The following VIPAS39 variants were observed in gnomAD, a reference collection of about 807,000 sequenced individuals.
The protein encoded by VIPAS39 is VPS33B interacting protein, apical-basolateral polarity regulator, spe-39 homolog.
In VIPAS39, 63 loss-of-function variants were observed where a neutral mutation model predicts 84.7. The observed-to-expected ratio is 0.74, with a 90% CI of 0.61 to 0.92. The LOEUF (loss-of-function observed/expected upper bound fraction) is 0.92. Among genes scored for constraint, VIPAS39 ranks in the 40% least tolerant of loss-of-function variants. The probability of loss-of-function intolerance (pLI) is 0.00; values close to 1 mark genes in which losing one functional copy is unlikely to be tolerated. For missense variants in VIPAS39, 499 were observed against 604.5 expected (o/e 0.83, Z 1.83); for synonymous variants, 192 against 216.5 (o/e 0.89, Z 0.99).
intron 18 of VIPAS39, 68 bp from the exon 19 acceptor site, chr14:77,428,542 G>A (rs2078468079): frequency 4.3e-6 from 6 of 1,384,224 alleles, no homozygotes; most frequent in African/African-American, 1.4e-5. Flanking sequence ...TGCCCAGGAT[G>A]GTCTCAAACT....
At chr14:77,427,882 G>A (rs1333607661) in intron 19 of VIPAS39, among the ~76,000 whole-genome samples, 1 of 152,084 alleles carries the variant, frequency 6.6e-6, no homozygotes, top group Non-Finnish European at 1.5e-5. Flanking sequence ...TGACCCTAAG[G>A]TAGGTTCCAA....
In VIPAS39 at chr14:77,449,637, C is replaced by T. The variant is rs2078851216; in HGVS notation, c.382+77G>A. ...AGTTCATCTTGTCATCTAATTACTA[C>T]CTGTCCCCATAACTCCCCAGACTGT... On this transcript the variant is annotated intron_variant, in intron 5 of 19. Coordinates refer to ENST00000557658, the MANE Select transcript of VIPAS39 (RefSeq NM_001193315.2). 6 of 1,568,552 alleles carry T rather than the reference C, an allele frequency of 3.8e-6. No homozygotes were observed. The Admixed American group carries it at 8.3e-5, about 22-fold the overall frequency.
In VIPAS39 at chr14:77,457,483, GGACACCC is replaced by G; in HGVS notation, c.-1+5_-1+11del. ...CCAGATACGCGACCCAAGGGGCTTG[GGACACCC>G]TCACCTCTTCCGCACAGAGCCCTCC... On this transcript the variant is annotated splice_donor_5th_base_variant and intron_variant, in intron 1 of 19. Transcript: ENST00000557658. 7.6e-7 allele frequency: 1 copy of G among 1,310,340 alleles called. No homozygotes were observed. The highest frequency in any genetic ancestry group is 2.0e-5 in the Admixed American group (1 of 49,702). The allele number at this position is 1,310,340 out of a possible 1,614,324, so 81.2% of individuals were successfully genotyped here. A position where few individuals can be genotyped will look rare whatever the true frequency, so the allele number is the denominator to read the frequency against.
chr14:77,435,415 G>GACAAA, intron 13 of VIPAS39, 22 bp from the exon 14 acceptor site: 1 of 1,469,476 alleles, frequency 6.8e-7, no homozygotes, highest in Non-Finnish European at 9.1e-7. Context: ...TGAGCCAAGT[G>GACAAA]AAAAAAAAAA....
intron 16 of VIPAS39, among the ~76,000 whole-genome samples, chr14:77,433,109 CA>C (rs1159362369): frequency 2.0e-5 from 3 of 151,882 alleles, no homozygotes; most frequent in South Asian, 4.1e-4. Context: ...AGAAGCAAAC[CA>C]AAAGTAGCTA....
chr14:77,439,861 CTG>C (rs1392342188), intron 11 of VIPAS39, among the ~76,000 whole-genome samples: 6 of 152,140 alleles, frequency 3.9e-5, no homozygotes, highest in Non-Finnish European at 8.8e-5. Context: ...AACTGAATGT[CTG>C]TATGGATATC....
At chr14:77,456,872 ATAAAG>A (rs2078968979) in intron 1 of VIPAS39, among the ~76,000 whole-genome samples, 1 of 152,232 alleles carries the variant, frequency 6.6e-6, no homozygotes, top group East Asian at 1.9e-4. Flanking sequence ...CTCTAGAGTT[ATAAAG>A]TAATCAGGTA....
rs1423641944 is a variant in VIPAS39 at position 77,457,569 on chromosome 14, C to A, written c.-75G>T. ...CGCTGGACCAGCCCTTCTATTCAGG[C>A]TGTGCAGCTTAGAGAAGGGGGCGGA... On this transcript the variant is annotated 5_prime_UTR_variant, in exon 1 of 20. Transcript: ENST00000557658. The A allele has an allele frequency of 9.7e-6, 6 of 617,512 alleles. No individual in the cohort carries two copies. The highest frequency in any genetic ancestry group is 3.7e-5 in the African/African-American group (2 of 54,220). 38.3% of individuals were successfully genotyped at this position (617,512 alleles called of 1,614,324 possible).
At chr14:77,457,235 G>T (rs1238687037) in intron 1 of VIPAS39, 1 of 1,530,440 alleles carries the variant, frequency 6.5e-7, no homozygotes, top group Non-Finnish European at 8.7e-7. Flanking sequence ...TACCGCAGTC[G>T]TCAGAGCCCA....
At position 77,448,518 on chromosome 14, in the gene VIPAS39, T is replaced by C; in HGVS notation, c.480A>G (p.Thr160=). The C allele has an allele frequency of 6.2e-7, 1 of 1,614,222 alleles. No homozygotes were observed. The highest frequency in any genetic ancestry group is 1.1e-5 in the South Asian group (1 of 91,090). The stretch of plus-strand genomic sequence containing the variant: ...CCTTGCCCTTCCGGAGACGTCGCAC[T>C]GTATCACTGGGGCTCCAGTCATTGC... The part of the protein sequence containing the change: ...DYSNDWSPSD[T]VRRLRKGKVC... The change falls in exon 7 of 20, where the codon ACA becomes ACG. Residue 160 remains threonine (T), a synonymous_variant. Coordinates refer to ENST00000557658, the MANE Select transcript of VIPAS39 (RefSeq NM_001193315.2).
chr14:77,443,037 TG>T, intron 9 of VIPAS39, 81 bp downstream of exon 9: 1 of 1,571,964 alleles, frequency 6.4e-7, no homozygotes, highest in Non-Finnish European at 8.8e-7. Flanking sequence ...TAATGAATTC[TG>T]GTATGAAAGG....
At position 77,448,514 on chromosome 14, in the gene VIPAS39, G is replaced by C. The variant is rs200779594; in HGVS notation, c.484C>G (p.Arg162Gly). The C allele has an allele frequency of 1.9e-6, 3 of 1,613,950 alleles. No individual in the cohort carries two copies. Among genetic ancestry groups the C allele is most frequent in the African/African-American group, 1.3e-5 (1 of 74,888 alleles). The change falls in exon 7 of 20, where the codon CGA becomes GGA. Residue 162 changes from arginine to glycine, a missense_variant. Physicochemically the swap from Arg to Gly is moderately radical, Grantham distance 125. Coordinates refer to ENST00000557658, the MANE Select transcript of VIPAS39 (RefSeq NM_001193315.2). ...CTTACCTTGCCCTTCCGGAGACGTC[G>C]CACTGTATCACTGGGGCTCCAGTCA... ...SNDWSPSDTV[R>G]RLRKGKVCSL...
intron 16 of VIPAS39, among the ~76,000 whole-genome samples, 194 bp from the exon 17 acceptor site, chr14:77,429,961 A>G (rs2078494769): frequency 1.3e-5 from 2 of 152,254 alleles, no homozygotes; most frequent in African/African-American, 2.4e-5. Context: ...CAGGTTTGAA[A>G]TAACTTCTTA....
intron 7 of VIPAS39, among the ~76,000 whole-genome samples, chr14:77,444,731 C>A (rs2078759332): frequency 6.6e-6 from 1 of 152,018 alleles, no homozygotes; most frequent in South Asian, 2.1e-4. Flanking sequence ...CGCCACCATG[C>A]CCGGCTAATT....
At chr14:77,442,972 T>C (rs2078726088) in intron 9 of VIPAS39, 147 bp downstream of exon 9, 16 of 1,053,718 alleles carry the variant, frequency 1.5e-5, no homozygotes, top group Non-Finnish European at 2.0e-5. Context: ...CTCAGAGATG[T>C]GATTTGTGCT....
intron 9 of VIPAS39, among the ~76,000 whole-genome samples, 163 bp downstream of exon 9, chr14:77,442,956 G>A (rs1339335306): frequency 6.6e-6 from 1 of 152,104 alleles, no homozygotes; most frequent in African/African-American, 2.4e-5. Context: ...CACCCTAAAG[G>A]ACGCCCTCAG....
intron 12 of VIPAS39, 89 bp from the exon 13 acceptor site, chr14:77,436,008 G>A (rs1435178650): frequency 7.7e-7 from 1 of 1,290,528 alleles, no homozygotes; most frequent in South Asian, 1.2e-5. Context: ...AAGTATAAGA[G>A]GCTCACGGTG....
rs755447534 is a variant in VIPAS39, at chr14:77,428,457, C to T, written c.1374G>A (p.Lys458=). Residue 458 remains lysine (K), a synonymous_variant, in exon 19 of 20, where the codon AAG becomes AAA. Transcript: ENST00000557658. ...DVVIDTYRDL[K]DRQQLLAYRS... ...TGTATGCTAGCAACTGTTGACGATCCTTCAGGTCCCGGTAGGTCTGTGCAT... is the reference window on the plus strand; with the variant it reads ...TGTATGCTAGCAACTGTTGACGATCTTTCAGGTCCCGGTAGGTCTGTGCAT... 7.4e-6 allele frequency: 12 copies of T among 1,613,846 alleles called. No homozygotes were observed. Among genetic ancestry groups the T allele is most frequent in the Non-Finnish European group, 9.3e-6 (11 of 1,179,988 alleles).
At chr14:77,431,904 T>C (rs2078529169) in intron 16 of VIPAS39, among the ~76,000 whole-genome samples, 1 of 152,048 alleles carries the variant, frequency 6.6e-6, no homozygotes, top group Non-Finnish European at 1.5e-5. Flanking sequence ...AAATAAATAA[T>C]TCCCTCTCCC....
Sources: allele counts gnomAD v4.1 joint callset (sites outside exome capture counted in the v4.1 genomes callset), GRCh38; gene constraint gnomAD v4.1.1; transcripts MANE v1.5; gene names NCBI Gene and HGNC (gene_info 2026-07-23, HGNC 2026-07-21).